The following ASPM variants were observed in gnomAD, a reference collection of about 807,000 sequenced individuals.
ASPM encodes abnormal spindle-like microcephaly-associated protein.
A neutral mutation model predicts 366.4 loss-of-function variants in ASPM; 256 were observed. The ratio of observed to expected loss-of-function variants is 0.70; its 90% CI spans 0.63 to 0.77. The LOEUF is 0.77. Among genes scored for constraint, ASPM ranks in the 30% least tolerant of loss-of-function variants. The probability of loss-of-function intolerance (pLI) is 0.00; values close to 1 mark genes in which losing one functional copy is unlikely to be tolerated. For synonymous variants in ASPM, 1,414 were observed against 1,342.9 expected (o/e 1.05, Z -1.16); for missense variants, 4,146 against 4,090.4 (o/e 1.01, Z -0.37).
At chr1:197,132,435 G>C in intron 6 of ASPM, 83 bp from the exon 7 acceptor site, 1 of 1,167,356 alleles carries the variant, frequency 8.6e-7, no homozygotes, top group Admixed American at 1.9e-5. Context: ...GAGTATATCA[G>C]TGGGAAAAAA....
intron 17 of ASPM, among the ~76,000 whole-genome samples, chr1:197,108,891 A>C (rs1657493289): frequency 6.8e-6 from 1 of 147,878 alleles, no homozygotes; most frequent in Non-Finnish European, 1.5e-5. Flanking sequence ...TGATGGCTTG[A>C]GCCTAGGAGA....
At chr1:197,112,467 T>G (rs965185501) in intron 17 of ASPM, among the ~76,000 whole-genome samples, 41 of 152,034 alleles carry the variant, frequency 2.7e-4, no homozygotes, top group African/African-American at 9.2e-4. Context: ...ATGACACAAG[T>G]CTACCTATAT....
intron 10 of ASPM, among the ~76,000 whole-genome samples, 157 bp from the exon 11 acceptor site, chr1:197,125,348 T>C (rs544153478): frequency 1.3e-5 from 2 of 152,314 alleles, no homozygotes; most frequent in East Asian, 1.9e-4. Flanking sequence ...TGTTGCTCCA[T>C]AGTCGGCAAG....
At chr1:197,089,681 TTTAATCATCATTGTTTTTAATATTA>T (rs1222838471) in intron 25 of ASPM, among the ~76,000 whole-genome samples, 3 of 151,970 alleles carry the variant, frequency 2.0e-5, no homozygotes, top group East Asian at 3.8e-4. Context: ...CTTAATAACT[TTTAATCATCATTGTTTTTAATATTA>T]TTAATCATCA....
At chr1:197,105,580 C>G (rs989921367) in intron 17 of ASPM, among the ~76,000 whole-genome samples, 1 of 151,912 alleles carries the variant, frequency 6.6e-6, no homozygotes, top group African/African-American at 2.4e-5. Flanking sequence ...TTCAATGTTT[C>G]TAAGCTACCT....
intron 17 of ASPM, among the ~76,000 whole-genome samples, chr1:197,108,834 G>A (rs1657491485): frequency 6.6e-6 from 1 of 151,826 alleles, no homozygotes; most frequent in South Asian, 2.1e-4. Flanking sequence ...AGTTGAGTGT[G>A]GTGGTACATG....
Position 197,122,494 on chromosome 1 carries a change from ACGCTGACATATAG to A in ASPM, c.3479_3491del (p.Ala1160ValfsTer16). On this transcript the variant is annotated frameshift_variant, in exon 14 of 28. Transcript: ENST00000367409. LOFTEE classifies it high-confidence loss of function. ...GCGTACATTCCACAGTTTGAGTAGT[ACGCTGACATATAG>A]CGTCAAATGGCACATAGCAAGGATG... 1 of 1,613,706 alleles carries A rather than the reference ACGCTGACATATAG, an allele frequency of 6.2e-7. No individual in the cohort carries two copies. Among genetic ancestry groups the A allele is most frequent in the South Asian group, 1.1e-5 (1 of 91,068 alleles).
chr1:197,143,899 G>A, intron 2 of ASPM, 58 bp downstream of exon 2: 2 of 1,551,068 alleles, frequency 1.3e-6, no homozygotes, highest in Non-Finnish European at 8.8e-7. Context: ...ATCAAAATAA[G>A]TTTTATTTAT....
chr1:197,105,383 A>G (rs1362881131), intron 17 of ASPM, among the ~76,000 whole-genome samples, 198 bp from the exon 18 acceptor site: 2 of 152,008 alleles, frequency 1.3e-5, no homozygotes, highest in Non-Finnish European at 2.9e-5. Context: ...CAATTCAGAA[A>G]TCCATCCAAA....
chr1:197,111,429 G>T (rs1014397768), intron 17 of ASPM, among the ~76,000 whole-genome samples: 3 of 151,978 alleles, frequency 2.0e-5, no homozygotes, highest in Admixed American at 6.6e-5. Flanking sequence ...TCAAAAAACA[G>T]ATGCTGGCAA....
At chr1:197,116,706 G>C (rs1657746655) in intron 17 of ASPM, among the ~76,000 whole-genome samples, 1 of 152,010 alleles carries the variant, frequency 6.6e-6, no homozygotes, top group Non-Finnish European at 1.5e-5. Context: ...ATCAAAAATA[G>C]AACAGATTAA....
rs749040549 is a variant in ASPM at position 197,088,327 on chromosome 1, T to C, written c.10090A>G (p.Lys3364Glu). Residue 3364 changes from lysine (K) to glutamate (E), a missense_variant, in exon 26 of 28, where the codon AAA becomes GAA. By Grantham distance (56) the Lys-to-Glu change is moderately conservative (BLOSUM62 1). Around this residue, in one of 3 missense-constraint regions of ASPM, gnomAD observed 3,624 missense variants for 3,591.7 expected, o/e 1.01. Coordinates refer to ENST00000367409, the MANE Select transcript of ASPM (RefSeq NM_018136.5). ...REKPGNKVAD[K>E]GGSIFTKTCC... is the part of the protein sequence containing the mutation. Reference sequence around the variant, plus strand: ...GTTTTTGTAAAAATGCTTCCGCCTTTGTCTGCAACTTTATTACCAGGCTTT... The same window carrying C: ...GTTTTTGTAAAAATGCTTCCGCCTTCGTCTGCAACTTTATTACCAGGCTTT... The C allele has an allele frequency of 6.2e-7, 1 of 1,613,630 alleles. No individual in the cohort carries two copies. Among genetic ancestry groups the C allele is most frequent in the South Asian group, 1.1e-5 (1 of 91,076 alleles).
intron 19 of ASPM, 86 bp from the exon 20 acceptor site, chr1:197,094,266 G>T (rs892188029): frequency 1.4e-5 from 11 of 793,792 alleles, no homozygotes; most frequent in Middle Eastern, 2.3e-4. Context: ...TAAAATATTA[G>T]AAGAGAATAA....
intron 17 of ASPM, among the ~76,000 whole-genome samples, chr1:197,107,231 A>G (rs1164114031): frequency 6.6e-6 from 1 of 152,094 alleles, no homozygotes; most frequent in Non-Finnish European, 1.5e-5. Context: ...TCTAGACCAC[A>G]GTAGGCTATA....
rs372535530 is a variant in ASPM, at chr1:197,117,690, C to A, written c.4065+99G>T. On this transcript the variant is annotated intron_variant, in intron 17 of 27. Coordinates refer to ENST00000367409, the MANE Select transcript of ASPM (RefSeq NM_018136.5). Reference sequence around the variant, plus strand: ...TAAATTAAGTATTAGATAAAGAATCCTAAAATATAATCATTGAAAACTTCA... The same window carrying A: ...TAAATTAAGTATTAGATAAAGAATCATAAAATATAATCATTGAAAACTTCA... 1.5e-4 allele frequency: 165 copies of A among 1,097,894 alleles called. 1 individual carries two copies. Among genetic ancestry groups the A allele is most frequent in the East Asian group, 1.2e-3 (47 of 40,772 alleles). The allele number at this position is 1,097,894 out of a possible 1,614,324, so 68.0% of individuals were successfully genotyped here.
chr1:197,118,189 T>C (rs115230753), intron 16 of ASPM, among the ~76,000 whole-genome samples: 1 of 152,122 alleles, frequency 6.6e-6, no homozygotes, highest in Non-Finnish European at 1.5e-5. Flanking sequence ...TTTTGTATGA[T>C]GAAACAAAGA....
chr1:197,102,094 T>G lies in ASPM; in HGVS notation c.7157A>C (p.His2386Pro). The G allele has an allele frequency of 5.0e-6, 8 of 1,612,848 alleles. No individual in the cohort carries two copies. The highest frequency in any genetic ancestry group is 5.1e-6 in the Non-Finnish European group (6 of 1,179,262). Residue 2386 changes from histidine to proline, a missense_variant, in exon 18 of 28, where the codon CAC becomes CCC. Transcript: ENST00000367409. Reference protein sequence around the residue: ...LQRQHYLRQRHSAVILQAAFR... With the variant: ...LQRQHYLRQRPSAVILQAAFR... ...TGCAGCCTGAAGGATCACAGCAGAG[T>G]GTCTTTGTCTGAGATAATGCTGCCT...
rs1375820420 is a variant in ASPM, at chr1:197,101,629, T to C, written c.7622A>G (p.Tyr2541Cys). ...WHSAVVIQAAYKGMKARQLLR... is the reference protein window; with the variant it reads ...WHSAVVIQAACKGMKARQLLR... ...AAGTTGTCTTGCTTTCATTCCTTTATATGCAGCCTGAATAACCACAGCAGA... is the reference window on the plus strand; with the variant it reads ...AAGTTGTCTTGCTTTCATTCCTTTACATGCAGCCTGAATAACCACAGCAGA... The change falls in exon 18 of 28, where the codon TAT (tyrosine) becomes TGT (cysteine). Residue 2541 changes from tyrosine to cysteine, a missense_variant. By Grantham distance (194) the Tyr-to-Cys change is radical. Around this residue, in one of 3 missense-constraint regions of ASPM, gnomAD observed 3,624 missense variants for 3,591.7 expected, o/e 1.01. Transcript: ENST00000367409. 1.2e-6 allele frequency: 2 copies of C among 1,611,746 alleles called. No homozygotes were observed. Among genetic ancestry groups the C allele is most frequent in the Non-Finnish European group, 1.7e-6 (2 of 1,179,090 alleles).
At chr1:197,133,692 T>A (rs1658334588) in intron 5 of ASPM, 97 bp from the exon 6 acceptor site, 1 of 1,423,178 alleles carries the variant, frequency 7.0e-7, no homozygotes, top group Non-Finnish European at 9.7e-7. Context: ...GGTAAAAACA[T>A]AATCTATTCC....
Sources: allele counts gnomAD v4.1 joint callset (sites outside exome capture counted in the v4.1 genomes callset), GRCh38; gene constraint gnomAD v4.1.1; regional missense constraint gnomAD v4.1.1; transcripts MANE v1.5; gene names NCBI Gene and HGNC (gene_info 2026-07-23, HGNC 2026-07-21).